Variants in MECOM observed in about 807,000 individuals in gnomAD.
MECOM encodes the protein MDS1 and EVI1 complex locus, also known as histone-lysine N-methyltransferase MECOM.
MECOM carries 13 observed loss-of-function variants against 116.3 expected under a neutral mutation model. That is an observed-to-expected ratio of 0.11 (90% confidence interval 0.07 to 0.18). MECOM has a LOEUF of 0.18. Ranked by LOEUF, MECOM falls within the 10% of genes least tolerant of loss-of-function variation. The pLI is 1.00. For synonymous variants in MECOM, 528 were observed against 535.2 expected (o/e 0.99, Z 0.19); for missense variants, 1,299 against 1,509.0 (o/e 0.86, Z 2.31).
intron 1 of MECOM, among the ~76,000 whole-genome samples, chr3:169,649,592 G>A (rs1174714057): frequency 6.6e-6 from 1 of 152,016 alleles, no homozygotes; most frequent in Non-Finnish European, 1.5e-5. Flanking sequence ...TCAGGAAATT[G>A]AGTGTTTATA....
At chr3:169,571,078 A>G (rs939036896) in intron 1 of MECOM, among the ~76,000 whole-genome samples, 1 of 152,242 alleles carries the variant, frequency 6.6e-6, no homozygotes, top group African/African-American at 2.4e-5. Context: ...ACAGAATTGT[A>G]TATTTAGAAA....
chr3:169,151,271 C>T (rs1741128340), intron 2 of MECOM, among the ~76,000 whole-genome samples: 1 of 152,198 alleles, frequency 6.6e-6, no homozygotes, highest in Admixed American at 6.5e-5. Flanking sequence ...ACAAACAGCA[C>T]TGTAACACTC....
chr3:169,657,209 A>G (rs1775640435), intron 1 of MECOM, among the ~76,000 whole-genome samples: 1 of 152,268 alleles, frequency 6.6e-6, no homozygotes, highest in Admixed American at 6.5e-5. Context: ...AAAGTTACAC[A>G]GTCAAGGCTC....
At chr3:169,514,712 A>G (rs1578315222) in intron 1 of MECOM, among the ~76,000 whole-genome samples, 1 of 152,152 alleles carries the variant, frequency 6.6e-6, no homozygotes, top group Non-Finnish European at 1.5e-5. Context: ...CACCTTAAAT[A>G]CCAGCCACAT....
chr3:169,111,551 T>C (rs1177138049), intron 9 of MECOM, among the ~76,000 whole-genome samples: 3 of 152,154 alleles, frequency 2.0e-5, no homozygotes, highest in African/African-American at 4.8e-5. Context: ...ACATTAACTG[T>C]TTTGTAACTT....
chr3:169,218,977 C>A (rs76816354), intron 2 of MECOM, among the ~76,000 whole-genome samples: 1 of 152,096 alleles, frequency 6.6e-6, no homozygotes. Flanking sequence ...TGTGTGCTGT[C>A]TCCTGAGCTA....
intron 1 of MECOM, among the ~76,000 whole-genome samples, chr3:169,450,066 T>C (rs1394104405): frequency 6.6e-6 from 1 of 152,214 alleles, no homozygotes; most frequent in East Asian, 1.9e-4. Flanking sequence ...GAGCAGCTTC[T>C]TACTCTGTCT....
chr3:169,211,466 G>T (rs565922365), intron 2 of MECOM, among the ~76,000 whole-genome samples: 1 of 152,204 alleles, frequency 6.6e-6, no homozygotes, highest in South Asian at 2.1e-4. Context: ...TTCTTCTGTG[G>T]TCTTGTCAAA....
intron 1 of MECOM, among the ~76,000 whole-genome samples, chr3:169,603,221 G>T (rs968838206): frequency 7.9e-5 from 12 of 152,118 alleles, no homozygotes; most frequent in African/African-American, 2.9e-4. Context: ...GTAGGCCTAG[G>T]CTAATGTGTG....
In MECOM at chr3:169,302,487, C is replaced by T. The variant is rs116853794; in HGVS notation, c.375+78700G>A. 5.4e-4 allele frequency among the ~76,000 whole-genome samples: 82 copies of T among 152,254 alleles called. No homozygotes were observed. The East Asian group carries it at 0.014, about 25-fold the overall frequency. On this transcript the variant is annotated intron_variant, in intron 2 of 16. Transcript: ENST00000651503. ...CAAACAATTATTACATTATAATTAT[C>T]GCCTGGTTAATATTGATTGAAAGAA...
chr3:169,508,719 A>G (rs1391430488), intron 1 of MECOM, among the ~76,000 whole-genome samples: 1 of 152,230 alleles, frequency 6.6e-6, no homozygotes, highest in African/African-American at 2.4e-5. Flanking sequence ...CCTAAAATAG[A>G]TACTTTCCTA....
intron 1 of MECOM, among the ~76,000 whole-genome samples, chr3:169,494,379 C>T (rs1028804480): frequency 5.9e-5 from 9 of 152,042 alleles, no homozygotes; most frequent in African/African-American, 1.4e-4. Context: ...ATACCAAGCC[C>T]GCTCTTTGCC....
chr3:169,111,444 T>A (rs974233644), intron 9 of MECOM, among the ~76,000 whole-genome samples: 6 of 152,152 alleles, frequency 3.9e-5, no homozygotes, highest in African/African-American at 1.4e-4. Context: ...TTGTACAATA[T>A]CTGACACAAA....
At chr3:169,170,136 G>C (rs1203500321) in intron 2 of MECOM, among the ~76,000 whole-genome samples, 1 of 152,102 alleles carries the variant, frequency 6.6e-6, no homozygotes, top group East Asian at 1.9e-4. Flanking sequence ...AGCTAGTCCA[G>C]GCGTGGTGGC....
intron 2 of MECOM, among the ~76,000 whole-genome samples, chr3:169,248,455 T>C (rs1011136110): frequency 6.6e-5 from 10 of 152,228 alleles, no homozygotes; most frequent in Admixed American, 2.6e-4. Context: ...TAAGTCTCTA[T>C]ACATGGTATA....
intron 2 of MECOM, among the ~76,000 whole-genome samples, chr3:169,195,283 C>A (rs944679257): frequency 6.6e-6 from 1 of 152,042 alleles, no homozygotes; most frequent in African/African-American, 2.4e-5. Context: ...TTGGTCTAAC[C>A]AGAGCTGATG....
chr3:169,272,065 G>T (rs1349696858), intron 2 of MECOM, among the ~76,000 whole-genome samples: 2 of 152,170 alleles, frequency 1.3e-5, no homozygotes, highest in Non-Finnish European at 2.9e-5. Context: ...TAAAAATCTG[G>T]CTGGAAACCT....
At chr3:169,220,231 G>A (rs1017371844) in intron 2 of MECOM, among the ~76,000 whole-genome samples, 1 of 152,038 alleles carries the variant, frequency 6.6e-6, no homozygotes, top group African/African-American at 2.4e-5. Flanking sequence ...TGGGAAGGCT[G>A]AGGTGAGAGG....
At chr3:169,591,808 T>A (rs1766444165) in intron 1 of MECOM, among the ~76,000 whole-genome samples, 1 of 152,174 alleles carries the variant, frequency 6.6e-6, no homozygotes, top group Non-Finnish European at 1.5e-5. Flanking sequence ...CCGGCAACAA[T>A]ATGATAAAAT....
Sources: gnomAD v4.1 joint callset for allele counts (sites outside exome capture counted in the v4.1 genomes callset) on GRCh38, gnomAD v4.1.1 for gene constraint, MANE v1.5 for transcripts, NCBI Gene and HGNC (gene_info 2026-07-23, HGNC 2026-07-21) for gene names.